TNRC6A: variants seen among roughly 807,000 people sequenced by gnomAD.
TNRC6A encodes trinucleotide repeat containing adaptor 6A.
Under a neutral mutation model 221.2 loss-of-function variants are expected in TNRC6A, and 44 were observed. The ratio of observed to expected loss-of-function variants is 0.20; its 90% confidence interval spans 0.16 to 0.26. The LOEUF (loss-of-function observed/expected upper bound fraction) is 0.26. TNRC6A is among the 10% of genes least tolerant of loss of function. TNRC6A has a pLI of 1.00. For synonymous variants in TNRC6A, 847 were observed against 838.5 expected (o/e 1.01, Z -0.18); for missense variants, 2,199 against 2,404.4 (o/e 0.91, Z 1.79).
intron 2 of TNRC6A, among the ~76,000 whole-genome samples, chr16:24,667,254 T>C (rs1338752663): frequency 6.6e-6 from 1 of 152,202 alleles, no homozygotes; most frequent in Non-Finnish European, 1.5e-5. Context: ...GTGGCTCTGC[T>C]GACCTTGGCT....
chr16:24,802,572 C>T (rs541910618), intron 11 of TNRC6A, among the ~76,000 whole-genome samples: 1 of 152,164 alleles, frequency 6.6e-6, no homozygotes, highest in South Asian at 2.1e-4. Flanking sequence ...AATGGGACAT[C>T]GAAATGGATG....
At chr16:24,758,263 G>T in intron 3 of TNRC6A, 76 bp from the exon 4 acceptor site, 3 of 1,429,034 alleles carry the variant, frequency 2.1e-6, no homozygotes, top group South Asian at 2.4e-5. Flanking sequence ...ATTAATATAT[G>T]AACATTTTAT....
chr16:24,782,554 C>T (rs2057873792), intron 5 of TNRC6A, among the ~76,000 whole-genome samples: 1 of 152,058 alleles, frequency 6.6e-6, no homozygotes, highest in South Asian at 2.1e-4. Context: ...GCAAGAATAA[C>T]CAGATGAGAC....
intron 2 of TNRC6A, among the ~76,000 whole-genome samples, chr16:24,746,899 G>C (rs1185996910): frequency 6.6e-6 from 1 of 152,160 alleles, no homozygotes; most frequent in East Asian, 1.9e-4. Flanking sequence ...AATAGAGACA[G>C]ACTCTCACTA....
chr16:24,694,336 CCT>C (rs1399178500), intron 2 of TNRC6A, among the ~76,000 whole-genome samples: 1 of 152,092 alleles, frequency 6.6e-6, no homozygotes, highest in Non-Finnish European at 1.5e-5. Context: ...ACACAATGAC[CCT>C]AACTGCAGTG....
chr16:24,757,343 A>G (rs1261012797), intron 3 of TNRC6A, among the ~76,000 whole-genome samples: 1 of 152,228 alleles, frequency 6.6e-6, no homozygotes, highest in Non-Finnish European at 1.5e-5. Flanking sequence ...ATAATTTAAA[A>G]TGGTATTTTT....
chr16:24,673,423 C>T (rs74782397), intron 2 of TNRC6A, among the ~76,000 whole-genome samples: 4,761 of 152,184 alleles, frequency 0.031, 257 homozygotes, highest in African/African-American at 0.11. Flanking sequence ...CTTCGCTCAC[C>T]GAGGGATGCC....
Position 24,797,133 on chromosome 16 carries a change from G to A in TNRC6A, c.3562-357G>A, listed in dbSNP as rs529622368. 3.3e-5 allele frequency among the ~76,000 whole-genome samples: 5 copies of A among 152,232 alleles called. No individual in the cohort carries two copies. The South Asian group carries it at 1.0e-3, about 32-fold the overall frequency. The stretch of plus-strand genomic sequence containing the variant: ...GTCACTATTTTTTTACTTTGGTTTG[G>A]AGTGAGAATTCCAGAAATCTAAATT... On this transcript the variant is annotated intron_variant, in intron 9 of 24. Coordinates refer to ENST00000395799, the MANE Select transcript of TNRC6A (RefSeq NM_014494.4).
chr16:24,815,490 C>T (rs1190880830), intron 19 of TNRC6A, 185 bp downstream of exon 19: 3 of 663,542 alleles, frequency 4.5e-6, no homozygotes, highest in African/African-American at 3.6e-5. Context: ...GTGTGTCAGC[C>T]TGTTACCTAT....
intron 1 of TNRC6A, among the ~76,000 whole-genome samples, chr16:24,627,832 G>A (rs965378611): frequency 1.3e-5 from 2 of 150,664 alleles, no homozygotes; most frequent in African/African-American, 4.9e-5. Flanking sequence ...TGAGTAGCTG[G>A]GATTACAGGC....
intron 2 of TNRC6A, among the ~76,000 whole-genome samples, chr16:24,690,514 T>C (rs981438157): frequency 1.3e-5 from 2 of 152,108 alleles, no homozygotes; most frequent in Admixed American, 6.6e-5. Flanking sequence ...TTAATATTCA[T>C]TGGGTGCCTA....
intron 2 of TNRC6A, among the ~76,000 whole-genome samples, chr16:24,720,597 A>G (rs1160314507): frequency 2.7e-5 from 4 of 149,438 alleles, no homozygotes; most frequent in Non-Finnish European, 5.9e-5. Context: ...AGGCTGAGGC[A>G]GGAGAATCAC....
chr16:24,615,896 A>C (rs1195366195), intron 1 of TNRC6A, among the ~76,000 whole-genome samples: 2 of 136,252 alleles, frequency 1.5e-5, no homozygotes, highest in East Asian at 4.2e-4. Flanking sequence ...ACATGCTCTA[A>C]ATTTTTTAAT....
At position 24,777,224 on chromosome 16, in the gene TNRC6A, G is replaced by T; in HGVS notation, c.455G>T (p.Gly152Val). The change falls in exon 5 of 25, where the codon GGT becomes GTT. Residue 152 changes from glycine to valine, a missense_variant. By Grantham distance (109) the Gly-to-Val change is moderately radical. This residue lies in a region of TNRC6A where 1,405 missense variants were observed against 1,400.2 expected (regional missense o/e 1.00). Transcript: ENST00000395799. Reference sequence around the variant, plus strand: ...GAACACAAACAGCTTCTAAAGAGGGGTCAGCATTTTCCTGTTATAGCAGCA... The same window carrying T: ...GAACACAAACAGCTTCTAAAGAGGGTTCAGCATTTTCCTGTTATAGCAGCA... Reference protein sequence around the residue: ...HQEHKQLLKRGQHFPVIAANL... With the variant: ...HQEHKQLLKRVQHFPVIAANL... 2 of 1,614,190 alleles carry T rather than the reference G, an allele frequency of 1.2e-6. No homozygotes were observed. The highest frequency in any genetic ancestry group is 1.7e-6 in the Non-Finnish European group (2 of 1,180,048).
intron 2 of TNRC6A, among the ~76,000 whole-genome samples, chr16:24,712,146 A>G (rs753371519): frequency 6.6e-6 from 1 of 152,094 alleles, no homozygotes; most frequent in African/African-American, 2.4e-5. Flanking sequence ...TTAGTTTATG[A>G]ACTGTAACTT....
In TNRC6A at chr16:24,823,421, C is replaced by G. The variant is rs774505729; in HGVS notation, c.5514-11C>G. 1 of 1,599,318 alleles carries G rather than the reference C, an allele frequency of 6.3e-7. No individual in the cohort carries two copies. Among genetic ancestry groups the G allele is most frequent in the Non-Finnish European group, 8.5e-7 (1 of 1,170,266 alleles). Reference sequence around the variant, plus strand: ...CTGTCCTCACGTGTCCGCGGTGCCTCTCTCCTCTAGGTGTGTACTGGGGAA... The same window carrying G: ...CTGTCCTCACGTGTCCGCGGTGCCTGTCTCCTCTAGGTGTGTACTGGGGAA... On this transcript the variant is annotated splice_polypyrimidine_tract_variant and intron_variant, in intron 24 of 24. Coordinates refer to ENST00000395799, the MANE Select transcript of TNRC6A (RefSeq NM_014494.4). The surrounding 1 kb of genome is among the most constrained non-coding windows in gnomAD (Gnocchi z 4.3).
chr16:24,749,184 T>A (rs888596462), intron 2 of TNRC6A, among the ~76,000 whole-genome samples: 1 of 152,232 alleles, frequency 6.6e-6, no homozygotes, highest in Non-Finnish European at 1.5e-5. Flanking sequence ...TTTAGGGTGA[T>A]GACTACAGGT....
At chr16:24,804,435 A>C in intron 12 of TNRC6A, 116 bp downstream of exon 12, 1 of 1,266,896 alleles carries the variant, frequency 7.9e-7, no homozygotes, top group East Asian at 2.7e-5. Flanking sequence ...TCCACTACCA[A>C]ATCTTATTAC....
chr16:24,640,416 A>AT (rs985374209), intron 1 of TNRC6A, among the ~76,000 whole-genome samples: 18 of 150,532 alleles, frequency 1.2e-4, no homozygotes, highest in African/African-American at 3.4e-4. Context: ...AAGAAAGAAA[A>AT]AAAAAAAAGG....
Sources: allele counts gnomAD v4.1 joint callset (sites outside exome capture counted in the v4.1 genomes callset), GRCh38; gene constraint gnomAD v4.1.1; regional missense constraint gnomAD v4.1.1; non-coding constraint Gnocchi (gnomAD v3.1); transcripts MANE v1.5; gene names NCBI Gene and HGNC (gene_info 2026-07-23, HGNC 2026-07-21).